The following PLEK variants were observed in gnomAD, a reference collection of about 807,000 sequenced individuals.
PLEK encodes platelet 47 kDa protein.
A neutral mutation model predicts 43.9 loss-of-function variants in PLEK; 25 were observed. The ratio of observed to expected loss-of-function variants is 0.57; its 90% CI spans 0.41 to 0.79. The LOEUF (loss-of-function observed/expected upper bound fraction) is 0.79, where lower values mean the gene tolerates loss of function less well. PLEK is among the 30% of genes least tolerant of loss of function. PLEK has a pLI of 0.00. For missense variants in PLEK, 396 were observed against 413.3 expected (o/e 0.96, Z 0.36); for synonymous variants, 152 against 144.4 (o/e 1.05, Z -0.38).
At chr2:68,385,393 C>T (rs1673719824) in intron 4 of PLEK, among the ~76,000 whole-genome samples, 1 of 152,182 alleles carries the variant, frequency 6.6e-6, no homozygotes, top group Non-Finnish European at 1.5e-5. Flanking sequence ...TTCTCAAGGT[C>T]CCTGCTAGAC....
At chr2:68,375,615 G>A (rs1325183048) in intron 1 of PLEK, among the ~76,000 whole-genome samples, 1 of 152,204 alleles carries the variant, frequency 6.6e-6, no homozygotes, top group African/African-American at 2.4e-5. Context: ...CAAAGGAAAT[G>A]TTTGGACAAG....
rs200018554 is a variant in PLEK at position 68,395,758 on chromosome 2, C to G, written c.995C>G (p.Pro332Arg). 3.7e-6 allele frequency: 6 copies of G among 1,613,722 alleles called. No homozygotes were observed. The highest frequency in any genetic ancestry group is 2.7e-5 in the African/African-American group (2 of 74,882). The change falls in exon 9 of 9, where the codon CCC (proline) becomes CGC (arginine). Residue 332 changes from proline to arginine, a missense_variant. Pro to Arg is a moderately radical substitution (Grantham distance 103). Coordinates refer to ENST00000234313, the MANE Select transcript of PLEK (RefSeq NM_002664.3). ...EVHYFLQAAT[P>R]KERTEWIRAI... is the part of the protein sequence containing the mutation. The stretch of plus-strand genomic sequence containing the variant: ...CACTATTTCTTGCAAGCAGCCACCC[C>G]CAAGGAGCGCACAGAGTGGATCAGA...
intron 4 of PLEK, among the ~76,000 whole-genome samples, chr2:68,384,002 A>G (rs1389480861): frequency 2.0e-5 from 3 of 152,040 alleles, no homozygotes; most frequent in African/African-American, 7.2e-5. Context: ...GAAGTTCCCA[A>G]CTCTATCAGG....
chr2:68,367,491 A>G (rs1384877544), intron 1 of PLEK, among the ~76,000 whole-genome samples: 1 of 152,202 alleles, frequency 6.6e-6, no homozygotes, highest in African/African-American at 2.4e-5. Flanking sequence ...GTCCAGAAAT[A>G]TTCCCTTTTT....
chr2:68,390,899 T>G (rs973102184), intron 6 of PLEK, among the ~76,000 whole-genome samples: 1 of 152,262 alleles, frequency 6.6e-6, no homozygotes, highest in African/African-American at 2.4e-5. Flanking sequence ...CCTTTTTACA[T>G]AATTGTTTCT....
intron 4 of PLEK, among the ~76,000 whole-genome samples, chr2:68,384,646 C>T (rs1323501183): frequency 1.3e-5 from 2 of 152,146 alleles, no homozygotes; most frequent in Non-Finnish European, 2.9e-5. Context: ...GACTGGGACC[C>T]AGCAGTACTG....
Position 68,386,584 on chromosome 2 carries a change from C to T in PLEK, c.555C>T (p.Leu185=). The T allele has an allele frequency of 6.2e-7, 1 of 1,612,920 alleles. No homozygotes were observed. Among genetic ancestry groups the T allele is most frequent in the Non-Finnish European group, 8.5e-7 (1 of 1,178,912 alleles). ...QEGLMIASSL[L]NEGYLQPAGD... is the part of the protein sequence containing the mutation. ...GCCTCATGATTGCTTCATCGCTGCT[C>T]AATGAGGGGTATCTGCAGCCTGCTG... is the stretch of plus-strand genomic sequence containing the variant. The change falls in exon 5 of 9, where the codon CTC becomes CTT. Residue 185 remains leucine (L), a synonymous_variant. Transcript: ENST00000234313.
intron 3 of PLEK, among the ~76,000 whole-genome samples, chr2:68,382,311 G>A (rs765123216): frequency 6.6e-6 from 1 of 152,196 alleles, no homozygotes; most frequent in African/African-American, 2.4e-5. Context: ...GAGACGTTAA[G>A]TACCTTCCAG....
chr2:68,382,708 G>T, intron 4 of PLEK, 75 bp downstream of exon 4: 1 of 829,682 alleles, frequency 1.2e-6, no homozygotes, highest in African/African-American at 1.7e-5. Context: ...TCGTCTGTGA[G>T]GTGGGGGTAT....
chr2:68,376,847 C>T (rs1168189920), intron 1 of PLEK, among the ~76,000 whole-genome samples: 2 of 152,074 alleles, frequency 1.3e-5, no homozygotes, highest in African/African-American at 2.4e-5. Context: ...GCTATGAAAT[C>T]ATAGGTCTCA....
At chr2:68,395,133 T>A (rs562081605) in intron 8 of PLEK, among the ~76,000 whole-genome samples, 9 of 152,138 alleles carry the variant, frequency 5.9e-5, no homozygotes, top group African/African-American at 2.2e-4. Flanking sequence ...GTTCAGGCTA[T>A]AACTTGTGGT....
chr2:68,382,505 T>C, intron 3 of PLEK, 37 bp from the exon 4 acceptor site: 1 of 1,203,898 alleles, frequency 8.3e-7, no homozygotes, highest in African/African-American at 1.6e-5. Context: ...GGTTTTTTTT[T>C]GTTTGTTTGT....
At chr2:68,380,024 A>T (rs915863401) in intron 1 of PLEK, among the ~76,000 whole-genome samples, 2 of 152,178 alleles carry the variant, frequency 1.3e-5, no homozygotes, top group Non-Finnish European at 2.9e-5. Flanking sequence ...CTCATCAATG[A>T]GGTGGCTAAG....
chr2:68,396,277 C>G lies in PLEK; in HGVS notation c.*461C>G, dbSNP rs2103790388. The G allele has an allele frequency of 6.2e-6, 1 of 161,246 alleles. No individual in the cohort carries two copies. The highest frequency in any genetic ancestry group is 1.7e-4 in the East Asian group (1 of 5,750). 10.0% of individuals were successfully genotyped at this position (161,246 alleles called of 1,614,324 possible). A position where few individuals can be genotyped will look rare whatever the true frequency, so the allele number is the denominator to read the frequency against. ...ATCTTCAAATGTACCAGAACCTGAGCCAACGCCTCCCTGTGAAACTGTTGC... is the reference window on the plus strand; with the variant it reads ...ATCTTCAAATGTACCAGAACCTGAGGCAACGCCTCCCTGTGAAACTGTTGC... On this transcript the variant is annotated 3_prime_UTR_variant, in exon 9 of 9. Coordinates refer to ENST00000234313, the MANE Select transcript of PLEK (RefSeq NM_002664.3).
At chr2:68,394,251 A>G in intron 8 of PLEK, 75 bp downstream of exon 8, 3 of 861,784 alleles carry the variant, frequency 3.5e-6, no homozygotes, top group African/African-American at 1.6e-5. Context: ...CTGGGCCAAC[A>G]TTAATCAATC....
intron 1 of PLEK, among the ~76,000 whole-genome samples, chr2:68,369,370 T>C (rs1673346916): frequency 6.6e-6 from 1 of 152,120 alleles, no homozygotes; most frequent in Non-Finnish European, 1.5e-5. Flanking sequence ...GTGGCCCTCG[T>C]GGGCTCGTAC....
intron 1 of PLEK, among the ~76,000 whole-genome samples, chr2:68,376,779 T>A (rs2103765823): frequency 6.6e-6 from 1 of 152,288 alleles, no homozygotes; most frequent in African/African-American, 2.4e-5. Flanking sequence ...ACAATCCAAT[T>A]ACGCTCTTTT....
chr2:68,367,256 T>C (rs1243147280), intron 1 of PLEK, among the ~76,000 whole-genome samples: 1 of 148,280 alleles, frequency 6.7e-6, no homozygotes, highest in Non-Finnish European at 1.5e-5. Context: ...AGATTCTCTT[T>C]TTTTTTTTTA....
chr2:68,377,258 C>T (rs1360158417), intron 1 of PLEK, among the ~76,000 whole-genome samples: 7 of 152,044 alleles, frequency 4.6e-5, no homozygotes, highest in African/African-American at 1.2e-4. Flanking sequence ...ATCCATATAC[C>T]GATTTCCTTT....
Sources: gnomAD v4.1 joint callset for allele counts (sites outside exome capture counted in the v4.1 genomes callset) on GRCh38, gnomAD v4.1.1 for gene constraint, MANE v1.5 for transcripts, NCBI Gene and HGNC (gene_info 2026-07-23, HGNC 2026-07-21) for gene names.